Variants in MAGI1 observed in about 807,000 individuals in gnomAD.
MAGI1 encodes the protein membrane associated guanylate kinase, WW and PDZ domain containing 1.
A neutral mutation model predicts 139.9 loss-of-function variants in MAGI1; 58 were observed. That is an observed-to-expected ratio of 0.41 (90% CI 0.34 to 0.52). The LOEUF is 0.52. Among genes scored for constraint, MAGI1 ranks in the 20% least tolerant of loss-of-function variants. The pLI is 0.12. For synonymous variants in MAGI1, 812 were observed against 737.9 expected, an observed-to-expected ratio of 1.10 and a Z score of -1.63; for missense variants, 1,874 against 1,901.6, an observed-to-expected ratio of 0.99 and a Z score of 0.27.
rs557311323 is a variant in MAGI1, at chr3:65,912,515, C to A, written c.313+125481G>T. On this transcript the variant is annotated intron_variant, in intron 1 of 22. Transcript: ENST00000402939. ...TCTAATAAACAAGTACATGTTTAAA[C>A]AAACAAAAACAGGTAACAAAAAAAT... 7.0e-4 allele frequency among the ~76,000 whole-genome samples: 107 copies of A among 152,230 alleles called. 4 individuals carry two copies. In the South Asian group the frequency reaches 0.02, roughly 29 times the overall value.
At chr3:65,537,303 C>G (rs1406663519) in intron 2 of MAGI1, among the ~76,000 whole-genome samples, 1 of 152,168 alleles carries the variant, frequency 6.6e-6, no homozygotes, top group Admixed American at 6.6e-5. Context: ...TCCTACAAAG[C>G]CCGTTTTTCT....
intron 1 of MAGI1, among the ~76,000 whole-genome samples, chr3:65,626,947 GAC>G (rs1243854159): frequency 6.6e-6 from 1 of 152,192 alleles, no homozygotes; most frequent in Non-Finnish European, 1.5e-5. Flanking sequence ...TAAGTTGGAA[GAC>G]AGTTTGTCAT....
chr3:65,849,002 T>C (rs1398268998), intron 1 of MAGI1, among the ~76,000 whole-genome samples: 1 of 34,602 alleles, frequency 2.9e-5, no homozygotes, highest in Non-Finnish European at 4.9e-5. Context: ...CAGAGCATTC[T>C]TTTTTTTTTT....
At chr3:65,621,922 C>CAT (rs1329557860) in intron 2 of MAGI1, 50 bp downstream of exon 2, 2 of 1,351,864 alleles carry the variant, frequency 1.5e-6, no homozygotes, top group South Asian at 1.2e-5. Context: ...ACTTTTCACA[C>CAT]ACACACACAC....
chr3:65,455,085 G>C (rs1197392306), intron 5 of MAGI1, among the ~76,000 whole-genome samples: 2 of 152,152 alleles, frequency 1.3e-5, no homozygotes, highest in African/African-American at 4.8e-5. Flanking sequence ...ATTGTTAGGA[G>C]AGGAGATTAT....
chr3:65,415,401 C>T (rs1026741546), intron 12 of MAGI1, among the ~76,000 whole-genome samples: 1 of 152,212 alleles, frequency 6.6e-6, no homozygotes, highest in Non-Finnish European at 1.5e-5. Flanking sequence ...AGGCCCTCTT[C>T]TTATTCCATC....
intron 1 of MAGI1, among the ~76,000 whole-genome samples, chr3:65,694,973 T>C (rs2107583202): frequency 6.6e-6 from 1 of 152,334 alleles, no homozygotes; most frequent in African/African-American, 2.4e-5. Flanking sequence ...AGTGTGAAAT[T>C]TCTTTTGCAT....
chr3:65,645,170 T>C (rs2085193436), intron 1 of MAGI1, among the ~76,000 whole-genome samples: 2 of 151,938 alleles, frequency 1.3e-5, no homozygotes, highest in African/African-American at 4.8e-5. Context: ...AAAACATTTC[T>C]TAAAGTTAGC....
At chr3:65,364,802 G>A (rs776511303) in intron 19 of MAGI1, 51 bp downstream of exon 19, 9 of 1,605,836 alleles carry the variant, frequency 5.6e-6, no homozygotes, top group Non-Finnish European at 7.7e-6. Context: ...ATATTGTCAT[G>A]CTGGGAGTTA....
At chr3:65,631,635 T>C (rs193040333) in intron 1 of MAGI1, among the ~76,000 whole-genome samples, 126 of 152,310 alleles carry the variant, frequency 8.3e-4, no homozygotes, top group African/African-American at 3.0e-3. Context: ...AGAAAGATCA[T>C]ATTAGCTTTC....
At chr3:65,828,155 G>T (rs1039082285) in intron 1 of MAGI1, among the ~76,000 whole-genome samples, 3 of 152,194 alleles carry the variant, frequency 2.0e-5, no homozygotes, top group African/African-American at 7.2e-5. Context: ...CTTGAGTCTG[G>T]AATGATTTCC....
intron 1 of MAGI1, among the ~76,000 whole-genome samples, chr3:65,685,957 C>G (rs1199667492): frequency 6.6e-6 from 1 of 152,220 alleles, no homozygotes; most frequent in African/African-American, 2.4e-5. Context: ...TTAACACCCT[C>G]TCGCAGCACG....
chr3:65,607,516 C>G (rs992167623), intron 2 of MAGI1, among the ~76,000 whole-genome samples: 3 of 151,912 alleles, frequency 2.0e-5, no homozygotes, highest in Non-Finnish European at 4.4e-5. Flanking sequence ...TCACAACAAC[C>G]CTTTAAAATA....
At chr3:65,772,991 C>G (rs2038079355) in intron 1 of MAGI1, among the ~76,000 whole-genome samples, 1 of 152,202 alleles carries the variant, frequency 6.6e-6, no homozygotes, top group Non-Finnish European at 1.5e-5. Context: ...AAGATACAGA[C>G]TCCACCTCAC....
rs115575491 is a variant in MAGI1 at position 65,425,738 on chromosome 3, C to T, written c.2167+3782G>A. Among the ~76,000 whole-genome samples, 1,356 of 152,148 alleles carry T rather than the reference C, an allele frequency of 8.9e-3. 20 individuals carry two copies. The highest frequency in any genetic ancestry group is 0.031 in the African/African-American group (1,273 of 41,502). On this transcript the variant is annotated intron_variant, in intron 12 of 22. Coordinates refer to ENST00000402939, the MANE Select transcript of MAGI1 (RefSeq NM_001033057.2). ...CTTGAAACGGAGTGTTGTGACTCAA[C>T]ATGAAATTACATTTTAAAGAGTGTC...
chr3:65,508,294 GT>G lies in MAGI1; in HGVS notation c.431-14664del, dbSNP rs768335530. On this transcript the variant is annotated intron_variant, in intron 2 of 22. Coordinates refer to ENST00000402939, the MANE Select transcript of MAGI1 (RefSeq NM_001033057.2). ...CAGTGGGCGCCTGTAGTCCCAGCTAGTCCAGAGGCTGAGGCAGGAGAATGGC... is the reference window on the plus strand; with the variant it reads ...CAGTGGGCGCCTGTAGTCCCAGCTAGCCAGAGGCTGAGGCAGGAGAATGGC... Among the ~76,000 whole-genome samples the G allele has an allele frequency of 4.0e-3, 605 of 152,060 alleles. 10 individuals are homozygous for G. Among genetic ancestry groups the G allele is most frequent in the Non-Finnish European group, 6.8e-3 (459 of 67,980 alleles).
At chr3:65,901,695 C>T (rs922991587) in intron 1 of MAGI1, among the ~76,000 whole-genome samples, 2 of 152,144 alleles carry the variant, frequency 1.3e-5, no homozygotes, top group African/African-American at 2.4e-5. Flanking sequence ...CAAGTTATAT[C>T]GGGGCTCTGG....
chr3:65,445,357 G>C (rs758084083), intron 7 of MAGI1, among the ~76,000 whole-genome samples: 4 of 152,118 alleles, frequency 2.6e-5, no homozygotes, highest in Non-Finnish European at 5.9e-5. Context: ...TCCAACAAAT[G>C]GCAGCTGTTC....
At chr3:65,725,157 A>G (rs2033463776) in intron 1 of MAGI1, among the ~76,000 whole-genome samples, 1 of 152,186 alleles carries the variant, frequency 6.6e-6, no homozygotes, top group South Asian at 2.1e-4. Flanking sequence ...TTGATTCTTT[A>G]TCCCTTTCAG....
Sources: allele counts gnomAD v4.1 joint callset (sites outside exome capture counted in the v4.1 genomes callset), GRCh38; gene constraint gnomAD v4.1.1; transcripts MANE v1.5; gene names NCBI Gene and HGNC (gene_info 2026-07-23, HGNC 2026-07-21).